The following CLDN18 variants were observed in gnomAD, a reference collection of about 807,000 sequenced individuals.
CLDN18 encodes the protein claudin-18.
In CLDN18, 20 loss-of-function variants were observed where a neutral mutation model predicts 25.0. The observed-to-expected ratio is 0.80, with a 90% CI of 0.56 to 1.16. CLDN18 has a LOEUF of 1.16. CLDN18 is among the 50% of genes most tolerant of loss of function. The pLI is 0.00. For synonymous variants in CLDN18, 125 were observed against 135.6 expected, an observed-to-expected ratio of 0.92 and a Z score of 0.54; for missense variants, 297 against 345.4, an observed-to-expected ratio of 0.86 and a Z score of 1.11.
At chr3:138,001,379 C>CTTT (rs149993251) in intron 1 of CLDN18, among the ~76,000 whole-genome samples, 2,095 of 141,156 alleles carry the variant, frequency 0.015, 60 homozygotes, top group African/African-American at 0.051. Flanking sequence ...TCCCCCCATT[C>CTTT]TTTTTTTTTT....
chr3:138,006,729 G>T (rs1209971803), upstream of CLDN18, among the ~76,000 whole-genome samples: 1 of 152,146 alleles, frequency 6.6e-6, no homozygotes, highest in Non-Finnish European at 1.5e-5. Flanking sequence ...TATCTTCCAG[G>T]TGTTTTAAAA....
At chr3:138,020,244 T>C (rs1942255666) in intron 1 of CLDN18, among the ~76,000 whole-genome samples, 1 of 152,190 alleles carries the variant, frequency 6.6e-6, no homozygotes, top group African/African-American at 2.4e-5. Context: ...CCTGCTCCCA[T>C]GACAGTTGCC....
chr3:138,003,951 C>A (rs1017148059), intron 1 of CLDN18, among the ~76,000 whole-genome samples: 3 of 152,140 alleles, frequency 2.0e-5, no homozygotes, highest in Admixed American at 2.0e-4. Flanking sequence ...GCAGGGGAAT[C>A]ATTTGAAGTC....
intron 1 of CLDN18, chr3:138,005,110 A>T (rs1942055694): frequency 6.6e-6 from 1 of 152,216 alleles, no homozygotes; most frequent in South Asian, 2.1e-4. Flanking sequence ...TGATAGAAAA[A>T]GTGCTAAAAT....
chr3:138,002,842 T>C (rs1401936334), intron 1 of CLDN18, among the ~76,000 whole-genome samples: 1 of 152,192 alleles, frequency 6.6e-6, no homozygotes, highest in East Asian at 1.9e-4. Context: ...AAGTCCCTTC[T>C]TGGAGAGATC....
rs1942412178 is a variant in CLDN18 at position 138,032,743 on chromosome 3, T to C, written c.*1602T>C. 2 of 152,234 alleles carry C rather than the reference T, an allele frequency of 1.3e-5. No individual in the cohort carries two copies. The highest frequency in any genetic ancestry group is 4.1e-4 in the South Asian group (2 of 4,830). The allele number at this position is 152,234 out of a possible 1,614,324, so 9.4% of individuals were successfully genotyped here. A position where few individuals can be genotyped will look rare whatever the true frequency, so the allele number is the denominator to read the frequency against. ...ACAGGTGTGCGCCATCACAACTAGC[T>C]GGTGGTCAGTTTTGTTACTCTGAGA... On this transcript the variant is annotated 3_prime_UTR_variant, in exon 5 of 5. Transcript: ENST00000183605.
chr3:138,029,399 A>G (rs1942362059), intron 3 of CLDN18, among the ~76,000 whole-genome samples: 1 of 152,164 alleles, frequency 6.6e-6, no homozygotes, highest in Non-Finnish European at 1.5e-5. Context: ...TTGGCCTCCC[A>G]AAGTGCTAGG....
chr3:138,016,235 A>G (rs1284879915), intron 1 of CLDN18, among the ~76,000 whole-genome samples: 1 of 152,194 alleles, frequency 6.6e-6, no homozygotes, highest in Non-Finnish European at 1.5e-5. Context: ...CAGAAACAGG[A>G]AGTGAACACA....
chr3:138,012,929 CTGTT>C (rs1310917681), intron 1 of CLDN18, among the ~76,000 whole-genome samples: 1 of 152,150 alleles, frequency 6.6e-6, no homozygotes, highest in Non-Finnish European at 1.5e-5. Flanking sequence ...TAAGGGAGTT[CTGTT>C]TGAGTCTGAA....
chr3:138,011,100 A>C (rs887352251), intron 1 of CLDN18, among the ~76,000 whole-genome samples: 2 of 152,204 alleles, frequency 1.3e-5, no homozygotes, highest in African/African-American at 4.8e-5. Flanking sequence ...AAGATGAAAT[A>C]AATTAAACCC....
At chr3:138,011,624 A>C (rs1942137601) in intron 1 of CLDN18, among the ~76,000 whole-genome samples, 1 of 152,164 alleles carries the variant, frequency 6.6e-6, no homozygotes, top group African/African-American at 2.4e-5. Context: ...GAGATGCAGG[A>C]AATGCCACAC....
At chr3:138,007,321 G>T (rs1942079633), upstream of CLDN18, among the ~76,000 whole-genome samples, 1 of 152,132 alleles carries the variant, frequency 6.6e-6, no homozygotes, top group Non-Finnish European at 1.5e-5. Flanking sequence ...TGATAGACTG[G>T]ATAAAATGTG....
intron 1 of CLDN18, among the ~76,000 whole-genome samples, chr3:138,013,861 G>A (rs760293257): frequency 1.3e-4 from 20 of 152,114 alleles, no homozygotes; most frequent in Non-Finnish European, 1.9e-4. Context: ...AATATATAGC[G>A]TGTAATTTCA....
intron 1 of CLDN18, among the ~76,000 whole-genome samples, chr3:138,021,255 G>GA (rs35208841): frequency 1.5e-3 from 220 of 142,346 alleles, no homozygotes; most frequent in African/African-American, 4.7e-3. Context: ...CCTTCAAAGA[G>GA]AAAAAAAAAA....
Position 138,031,123 on chromosome 3 carries a change from C to CA in CLDN18, c.770dup (p.His258AlafsTer8), listed in dbSNP as rs1559809141. The CA allele has an allele frequency of 3.1e-6, 5 of 1,613,470 alleles. No individual in the cohort carries two copies. Among genetic ancestry groups the CA allele is most frequent in the Non-Finnish European group, 4.2e-6 (5 of 1,179,876 alleles). ...AGGACGAGGTACAATCTTATCCTTC[C>CA]AAGCACGACTATGTGTAATGCTCTA... On this transcript the variant is annotated frameshift_variant, in exon 5 of 5. Coordinates refer to ENST00000183605, the MANE Select transcript of CLDN18 (RefSeq NM_016369.4). LOFTEE classifies it high-confidence loss of function.
chr3:138,000,271 G>A (rs1241817133), intron 1 of CLDN18, among the ~76,000 whole-genome samples: 1 of 152,196 alleles, frequency 6.6e-6, no homozygotes, highest in Non-Finnish European at 1.5e-5. Flanking sequence ...AGTGTGGCAG[G>A]AGAAGAGGGT....
Position 138,010,840 on chromosome 3 carries a change from C to T in CLDN18, c.220+395C>T, listed in dbSNP as rs79067680. ...CAGGATGCTGAGTATTTTGTTATAT[C>T]TGGAAAAGTTTATTGAGAGCTAATT... On this transcript the variant is annotated intron_variant, in intron 1 of 4. Transcript: ENST00000183605. 1.4e-4 allele frequency among the ~76,000 whole-genome samples: 22 copies of T among 152,244 alleles called. No individual in the cohort carries two copies. In the East Asian group the frequency reaches 4.2e-3, roughly 29 times the overall value.
chr3:138,025,225 G>A (rs935626407), intron 3 of CLDN18, among the ~76,000 whole-genome samples: 1 of 152,166 alleles, frequency 6.6e-6, no homozygotes, highest in Non-Finnish European at 1.5e-5. Flanking sequence ...CCTGCTGTAA[G>A]CCAAGACATG....
At chr3:138,013,718 T>C (rs1285068643) in intron 1 of CLDN18, among the ~76,000 whole-genome samples, 1 of 152,216 alleles carries the variant, frequency 6.6e-6, no homozygotes, top group Non-Finnish European at 1.5e-5. Context: ...CTAATTTCAG[T>C]TCTGCCAGAC....
Sources: allele counts gnomAD v4.1 joint callset (sites outside exome capture counted in the v4.1 genomes callset), GRCh38; gene constraint gnomAD v4.1.1; transcripts MANE v1.5; gene names NCBI Gene and HGNC (gene_info 2026-07-23, HGNC 2026-07-21).